LEO1: variants seen among roughly 807,000 people sequenced by gnomAD.
LEO1 encodes LEO1 component of Paf1/RNA polymerase II complex, also known as RNA polymerase-associated protein LEO1.
LEO1 carries 34 observed loss-of-function variants against 80.4 expected under a neutral mutation model. That is an observed-to-expected ratio of 0.42 (90% CI 0.32 to 0.56). The LOEUF (loss-of-function observed/expected upper bound fraction) is 0.56. Ranked by LOEUF, LEO1 falls within the 20% of genes least tolerant of loss-of-function variation. The pLI, the probability that LEO1 is intolerant of heterozygous loss-of-function variation, is 0.10. For missense variants in LEO1, 631 were observed against 814.2 expected (o/e 0.77, Z 2.74); for synonymous variants, 262 against 274.9 (o/e 0.95, Z 0.46).
At position 51,946,284 on chromosome 15, in the gene LEO1, G is replaced by A. The variant is rs180946013; in HGVS notation, c.1896+1008C>T. 4.6e-3 allele frequency among the ~76,000 whole-genome samples: 703 copies of A among 152,146 alleles called. 4 individuals carry two copies. Among genetic ancestry groups the A allele is most frequent in the Non-Finnish European group, 7.3e-3 (493 of 67,984 alleles). On this transcript the variant is annotated intron_variant, in intron 11 of 11. Coordinates refer to ENST00000299601, the MANE Select transcript of LEO1 (RefSeq NM_138792.4). ...GGCTCACTGCAACTTCCACCTCCCA[G>A]GTTCAGGCAATTCTCCTGCCTCAGT...
chr15:51,951,339 T>A (rs1038174414), intron 9 of LEO1, among the ~76,000 whole-genome samples: 2 of 152,216 alleles, frequency 1.3e-5, no homozygotes, highest in African/African-American at 4.8e-5. Flanking sequence ...ATGCCCCAAA[T>A]AAACTTGTGC....
At position 51,959,878 on chromosome 15, in the gene LEO1, AAT is replaced by A; in HGVS notation, c.1160+19_1160+20del. 6.5e-7 allele frequency: 1 copy of A among 1,544,226 alleles called. No individual in the cohort carries two copies. Among genetic ancestry groups the A allele is most frequent in the Non-Finnish European group, 8.7e-7 (1 of 1,147,816 alleles). On this transcript the variant is annotated intron_variant, in intron 5 of 11. Coordinates refer to ENST00000299601, the MANE Select transcript of LEO1 (RefSeq NM_138792.4). ...GTATTTCTACTCAACATCCTGAAAAAATTTTAATTGATTTCCTTACCTGGGCT... is the reference window on the plus strand; with the variant it reads ...GTATTTCTACTCAACATCCTGAAAAATTTAATTGATTTCCTTACCTGGGCT...
chr15:51,943,240 G>A (rs1053124253), intron 11 of LEO1, among the ~76,000 whole-genome samples: 5 of 151,202 alleles, frequency 3.3e-5, no homozygotes, highest in African/African-American at 1.2e-4. Context: ...CTAGCCAGGC[G>A]TGGTGGCGGG....
chr15:51,940,075 G>A (rs2056835837), intron 11 of LEO1, among the ~76,000 whole-genome samples: 1 of 151,788 alleles, frequency 6.6e-6, no homozygotes, highest in African/African-American at 2.4e-5. Flanking sequence ...CCAAGACAGT[G>A]AAACCCCGTC....
intron 10 of LEO1, 117 bp from the exon 11 acceptor site, chr15:51,947,506 C>T (rs1392147097): frequency 7.3e-6 from 5 of 689,556 alleles, no homozygotes; most frequent in Middle Eastern, 3.2e-4. Context: ...GCCTTGACCT[C>T]CTGGGCTTAG....
At chr15:51,941,920 T>C (rs1887336996) in intron 11 of LEO1, among the ~76,000 whole-genome samples, 1 of 152,238 alleles carries the variant, frequency 6.6e-6, no homozygotes, top group South Asian at 2.1e-4. Flanking sequence ...CCCAAGGCCA[T>C]ACAAGTGGGA....
At chr15:51,948,622 T>G (rs1164104856) in intron 10 of LEO1, among the ~76,000 whole-genome samples, 1 of 152,232 alleles carries the variant, frequency 6.6e-6, no homozygotes, top group Non-Finnish European at 1.5e-5. Flanking sequence ...CTAAGTACTT[T>G]AAATGTATTA....
chr15:51,947,956 A>AAT (rs1457554556), intron 10 of LEO1, among the ~76,000 whole-genome samples: 1 of 152,226 alleles, frequency 6.6e-6, no homozygotes, highest in Non-Finnish European at 1.5e-5. Flanking sequence ...AAGGTGTCTA[A>AAT]AGAGGCAAGA....
intron 1 of LEO1, among the ~76,000 whole-genome samples, chr15:51,967,168 A>G (rs992170629): frequency 2.0e-5 from 3 of 152,076 alleles, no homozygotes; most frequent in African/African-American, 7.2e-5. Flanking sequence ...ATGAGCAGAA[A>G]AAGATTCTTA....
intron 1 of LEO1, 33 bp from the exon 2 acceptor site, chr15:51,966,537 G>A (rs1326137407): frequency 4.7e-6 from 6 of 1,271,058 alleles, no homozygotes; most frequent in South Asian, 2.7e-5. Context: ...GATAACATAA[G>A]CAAAAAAAGG....
intron 2 of LEO1, among the ~76,000 whole-genome samples, chr15:51,962,935 C>A (rs1038022319): frequency 1.8e-3 from 278 of 150,608 alleles, no homozygotes; most frequent in East Asian, 0.013. Context: ...GCCCCCCCCC[C>A]AAAAAATTAA....
rs1229656703 is a variant in LEO1, at chr15:51,966,191, A to C, written c.372T>G (p.Asp124Glu). 1 of 1,613,870 alleles carries C rather than the reference A, an allele frequency of 6.2e-7. No homozygotes were observed. The change falls in exon 2 of 12, where the codon GAT becomes GAG. Residue 124 changes from aspartate to glutamate, a missense_variant. Transcript: ENST00000299601. ...NDDEDEGHRS[D>E]GGSHHSEAEG... The stretch of plus-strand genomic sequence containing the variant: ...CTGCTTCTGAATGATGGCTCCCTCC[A>C]TCCGATCTATGACCTTCGTCTTCAT...
intron 11 of LEO1, among the ~76,000 whole-genome samples, chr15:51,939,140 G>A (rs1041055586): frequency 2.6e-5 from 4 of 152,138 alleles, no homozygotes; most frequent in South Asian, 2.1e-4. Flanking sequence ...AGCTGAGATC[G>A]CACCACTATA....
At chr15:51,947,029 C>A in intron 11 of LEO1, 2 of 424,296 alleles carry the variant, frequency 4.7e-6, no homozygotes, top group Admixed American at 4.2e-5. Flanking sequence ...AGAGACAGGA[C>A]AGTTTGACCA....
chr15:51,946,252 C>T (rs184732217), intron 11 of LEO1, among the ~76,000 whole-genome samples: 90 of 152,180 alleles, frequency 5.9e-4, no homozygotes, highest in Non-Finnish European at 1.0e-3. Flanking sequence ...CACAATGGCG[C>T]GATCTCGGCT....
Position 51,947,946 on chromosome 15 carries a change from A to T in LEO1, c.1799-557T>A, listed in dbSNP as rs948714844. On this transcript the variant is annotated intron_variant, in intron 10 of 11. Transcript: ENST00000299601. Reference sequence around the variant, plus strand: ...TTAAAGATGAAAAAGGTTTGTGTGCAAGGTGTCTAAAGAGGCAAGATACCC... The same window carrying T: ...TTAAAGATGAAAAAGGTTTGTGTGCTAGGTGTCTAAAGAGGCAAGATACCC... Among the ~76,000 whole-genome samples the T allele has an allele frequency of 3.9e-5, 6 of 152,352 alleles. No individual in the cohort carries two copies. In the Middle Eastern group the frequency reaches 0.014, roughly 345 times the overall value.
rs756849533 is a variant in LEO1, at chr15:51,966,351, G to A, written c.212C>T (p.Ala71Val). 7 of 1,614,026 alleles carry A rather than the reference G, an allele frequency of 4.3e-6. No individual in the cohort carries two copies. In the African/African-American group the frequency reaches 8.0e-5, roughly 18 times the overall value. Residue 71 changes from alanine (A) to valine (V), a missense_variant, in exon 2 of 12, where the codon GCT becomes GTT. Ala to Val is a moderately conservative substitution (Grantham distance 64). Coordinates refer to ENST00000299601, the MANE Select transcript of LEO1 (RefSeq NM_138792.4). Reference protein sequence around the residue: ...LFGDDSEDEGASHHSGSDNHS... With the variant: ...LFGDDSEDEGVSHHSGSDNHS... ...ATTATCACTACCACTATGATGTGAA[G>A]CTCCCTCGTCCTCACTGTCATCTCC...
At chr15:51,959,055 T>G (rs1049333386) in intron 5 of LEO1, among the ~76,000 whole-genome samples, 8 of 150,942 alleles carry the variant, frequency 5.3e-5, no homozygotes, top group Admixed American at 1.3e-4. Context: ...CAGGCTGGAG[T>G]GCAATGGCAC....
chr15:51,957,991 A>T (rs2057002214), intron 6 of LEO1, among the ~76,000 whole-genome samples: 1 of 151,830 alleles, frequency 6.6e-6, no homozygotes. Flanking sequence ...ACTGCCCTCC[A>T]GCGTGGGCGA....
Sources: allele counts gnomAD v4.1 joint callset (sites outside exome capture counted in the v4.1 genomes callset), GRCh38; gene constraint gnomAD v4.1.1; transcripts MANE v1.5; gene names NCBI Gene and HGNC (gene_info 2026-07-23, HGNC 2026-07-21).